SYT13: variants seen among roughly 807,000 people sequenced by gnomAD.
SYT13 encodes the protein synaptotagmin-13.
In SYT13, 21 loss-of-function variants were observed where a neutral mutation model predicts 38.6. The observed-to-expected ratio is 0.54, with a 90% CI of 0.39 to 0.78. The LOEUF is 0.78. SYT13 is among the 30% of genes least tolerant of loss of function. The pLI is 0.00. For missense variants in SYT13, 495 were observed against 548.7 expected, an observed-to-expected ratio of 0.90 and a Z score of 0.98; for synonymous variants, 241 against 237.6, an observed-to-expected ratio of 1.01 and a Z score of -0.13.
At chr11:45,254,636 T>A in intron 2 of SYT13, 1 of 458,040 alleles carries the variant, frequency 2.2e-6, no homozygotes, top group East Asian at 3.6e-5. Context: ...AAACAGAGAC[T>A]ACACAACAAT....
At chr11:45,277,023 T>A (rs1855019322) in intron 1 of SYT13, among the ~76,000 whole-genome samples, 1 of 152,162 alleles carries the variant, frequency 6.6e-6, no homozygotes. Context: ...GGTGAATGGA[T>A]AAACAAAATG....
chr11:45,270,766 C>T (rs999083809), intron 1 of SYT13, among the ~76,000 whole-genome samples: 7 of 152,234 alleles, frequency 4.6e-5, no homozygotes, highest in African/African-American at 1.4e-4. Context: ...GACATCCATC[C>T]ACTTATATGC....
intron 1 of SYT13, among the ~76,000 whole-genome samples, chr11:45,268,611 C>A (rs567973996): frequency 6.6e-6 from 1 of 152,160 alleles, no homozygotes. Flanking sequence ...GAAACTGAGG[C>A]ACAGAAGGGT....
intron 1 of SYT13, among the ~76,000 whole-genome samples, chr11:45,262,529 A>C (rs537228626): frequency 4.6e-5 from 7 of 152,086 alleles, no homozygotes; most frequent in Non-Finnish European, 1.0e-4. Context: ...AGATAGAGAC[A>C]AGCATGGACA....
intron 1 of SYT13, among the ~76,000 whole-genome samples, chr11:45,264,637 G>C (rs1854860462): frequency 6.6e-6 from 1 of 152,152 alleles, no homozygotes; most frequent in Non-Finnish European, 1.5e-5. Context: ...AAAGGACCTA[G>C]GTAAGCCATG....
chr11:45,252,699 C>G lies in SYT13; in HGVS notation c.568G>C (p.Gly190Arg), dbSNP rs748002772. Residue 190 changes from glycine (G) to arginine (R), a missense_variant, in exon 4 of 6, where the codon GGC (glycine) becomes CGC (arginine). Physicochemically the swap from Gly to Arg is moderately radical, Grantham distance 125 (BLOSUM62 -2). Coordinates refer to ENST00000020926, the MANE Select transcript of SYT13 (RefSeq NM_020826.3). This position sits in a 1 kb window ranked among gnomAD's most constrained non-coding sequence, Gnocchi z 4.3. ...LEAVTSNHDG[G>R]CDCYVQGSVA... ...CTCCCTTGGACGTAGCAGTCACAGC[C>G]TCCGTCGTGGTTGCTGGTCACAGCT... is the stretch of plus-strand genomic sequence containing the variant. 2.5e-6 allele frequency: 4 copies of G among 1,582,226 alleles called. No individual in the cohort carries two copies. The highest frequency in any genetic ancestry group is 3.5e-6 in the Non-Finnish European group (4 of 1,157,614).
intron 1 of SYT13, among the ~76,000 whole-genome samples, chr11:45,263,322 T>C (rs1854842773): frequency 6.6e-6 from 1 of 152,248 alleles, no homozygotes; most frequent in Non-Finnish European, 1.5e-5. Flanking sequence ...GTTAATGATC[T>C]GTAAACAAAC....
intron 1 of SYT13, among the ~76,000 whole-genome samples, chr11:45,279,192 AAT>A (rs1855043932): frequency 6.6e-6 from 1 of 152,228 alleles, no homozygotes; most frequent in African/African-American, 2.4e-5. Context: ...TCTCCCACTG[AAT>A]ATGTTACTTA....
intron 1 of SYT13, among the ~76,000 whole-genome samples, chr11:45,263,071 C>T (rs927239354): frequency 2.3e-4 from 35 of 152,296 alleles, no homozygotes; most frequent in African/African-American, 8.2e-4. Flanking sequence ...CCACCATTCC[C>T]TGGCTCCTGC....
chr11:45,248,329 C>G (rs1029542221), intron 4 of SYT13, among the ~76,000 whole-genome samples: 1 of 152,226 alleles, frequency 6.6e-6, no homozygotes, highest in Non-Finnish European at 1.5e-5. Flanking sequence ...ACCTGGGACA[C>G]AGTGGGCACA....
chr11:45,281,666 CAAAA>C (rs747673327), intron 1 of SYT13, among the ~76,000 whole-genome samples: 1 of 112,104 alleles, frequency 8.9e-6, no homozygotes, highest in African/African-American at 3.5e-5. Context: ...GACTCTGCCT[CAAAA>C]AAAAAAAAAA....
At chr11:45,278,434 G>A (rs117275386) in intron 1 of SYT13, among the ~76,000 whole-genome samples, 7,942 of 152,110 alleles carry the variant, frequency 0.052, 288 homozygotes, top group Middle Eastern at 0.082. Flanking sequence ...TGTCTTCTGG[G>A]TCTGATGCTT....
At chr11:45,266,447 T>C (rs977014014) in intron 1 of SYT13, among the ~76,000 whole-genome samples, 21 of 152,032 alleles carry the variant, frequency 1.4e-4, no homozygotes, top group African/African-American at 5.1e-4. Flanking sequence ...AAAGTTTCTT[T>C]TGTTTATTTT....
rs1264564616 is a variant in SYT13 at position 45,286,086 on chromosome 11, G to C, written c.122C>G (p.Pro41Arg). 1.4e-5 allele frequency: 23 copies of C among 1,608,162 alleles called. No homozygotes were observed. The highest frequency in any genetic ancestry group is 2.0e-5 in the Non-Finnish European group (23 of 1,178,968). ...CTCCAGGTCGGGGTCCTGGTCCCGCGGCAGCAGCCCCTTCTTGGGGTGCAT... is the reference window on the plus strand; with the variant it reads ...CTCCAGGTCGGGGTCCTGGTCCCGCCGCAGCAGCCCCTTCTTGGGGTGCAT... ...RHMHPKKGLLPRDQDPDLEKA... is the reference protein window; with the variant it reads ...RHMHPKKGLLRRDQDPDLEKA... The change falls in exon 1 of 6, where the codon CCG becomes CGG. Residue 41 changes from proline to arginine, a missense_variant. Coordinates refer to ENST00000020926, the MANE Select transcript of SYT13 (RefSeq NM_020826.3).
At chr11:45,267,254 C>T (rs1274477587) in intron 1 of SYT13, among the ~76,000 whole-genome samples, 1 of 152,238 alleles carries the variant, frequency 6.6e-6, no homozygotes, top group Non-Finnish European at 1.5e-5. Flanking sequence ...CTTCCCGCCA[C>T]TTCAGCCACC....
rs760120526 is a variant in SYT13 at position 45,244,261 on chromosome 11, C to T, written c.1072G>A (p.Glu358Lys). Reference sequence around the variant, plus strand: ...TCAGGCAGCTCAAACATGATCATCTCGTTCCACACGGGGTTGATCTTGTGC... The same window carrying T: ...TCAGGCAGCTCAAACATGATCATCTTGTTCCACACGGGGTTGATCTTGTGC... ...AKHKINPVWNEMIMFELPDDL... is the reference protein window; with the variant it reads ...AKHKINPVWNKMIMFELPDDL... Residue 358 changes from glutamate (E) to lysine (K), a missense_variant, in exon 6 of 6, where the codon GAG (glutamate) becomes AAG (lysine). By Grantham distance (56) the Glu-to-Lys change is moderately conservative. Coordinates refer to ENST00000020926, the MANE Select transcript of SYT13 (RefSeq NM_020826.3). 5.0e-6 allele frequency: 8 copies of T among 1,614,048 alleles called. No homozygotes were observed. Among genetic ancestry groups the T allele is most frequent in the South Asian group, 1.1e-5 (1 of 91,070 alleles).
In SYT13 at chr11:45,286,069, C is replaced by A. The variant is rs1328122156; in HGVS notation, c.139G>T (p.Asp47Tyr). The change falls in exon 1 of 6, where the codon GAC becomes TAC. Residue 47 changes from aspartate to tyrosine, a missense_variant. Asp to Tyr is a radical substitution (Grantham distance 160, BLOSUM62 -3). Coordinates refer to ENST00000020926, the MANE Select transcript of SYT13 (RefSeq NM_020826.3). The part of the protein sequence containing the change: ...KGLLPRDQDP[D>Y]LEKAKPSLLG... The stretch of plus-strand genomic sequence containing the variant: ...AAGCTGGGCTTCGCCTTCTCCAGGT[C>A]GGGGTCCTGGTCCCGCGGCAGCAGC... 3 of 1,609,760 alleles carry A rather than the reference C, an allele frequency of 1.9e-6. No individual in the cohort carries two copies. In the Admixed American group the frequency reaches 5.0e-5, roughly 27 times the overall value.
intron 1 of SYT13, among the ~76,000 whole-genome samples, chr11:45,272,659 T>A (rs989754029): frequency 6.6e-6 from 1 of 152,328 alleles, no homozygotes; most frequent in East Asian, 1.9e-4. Context: ...TCCCAAAATA[T>A]GATTTGATCA....
intron 2 of SYT13, among the ~76,000 whole-genome samples, chr11:45,255,228 A>G (rs1334425158): frequency 2.0e-5 from 3 of 152,156 alleles, no homozygotes; most frequent in Non-Finnish European, 2.9e-5. Flanking sequence ...GTGTTATTTT[A>G]TCTACACTTT....
Sources: allele counts gnomAD v4.1 joint callset (sites outside exome capture counted in the v4.1 genomes callset), GRCh38; gene constraint gnomAD v4.1.1; non-coding constraint Gnocchi (gnomAD v3.1); transcripts MANE v1.5; gene names NCBI Gene and HGNC (gene_info 2026-07-23, HGNC 2026-07-21).